Variants in CNTNAP2 observed in about 807,000 individuals in gnomAD.
CNTNAP2 encodes contactin associated protein 2.
CNTNAP2 carries 98 observed loss-of-function variants against 155.2 expected under a neutral mutation model. The observed-to-expected ratio is 0.63, with a 90% CI of 0.54 to 0.75. The LOEUF (loss-of-function observed/expected upper bound fraction) is 0.75, where lower values mean the gene tolerates loss of function less well. CNTNAP2 is among the 30% of genes least tolerant of loss of function. The probability of loss-of-function intolerance (pLI) is 0.00; values close to 1 mark genes in which losing one functional copy is unlikely to be tolerated. For missense variants in CNTNAP2, 1,727 were observed against 1,688.1 expected, an observed-to-expected ratio of 1.02 and a Z score of -0.40; for synonymous variants, 651 against 631.2, an observed-to-expected ratio of 1.03 and a Z score of -0.47.
At chr7:147,605,269 A>G (rs1238836282) in intron 12 of CNTNAP2, among the ~76,000 whole-genome samples, 1 of 152,114 alleles carries the variant, frequency 6.6e-6, no homozygotes, top group East Asian at 1.9e-4. Context: ...AATTGAGCCT[A>G]TGAAATCAAC....
intron 2 of CNTNAP2, among the ~76,000 whole-genome samples, chr7:146,804,186 C>T (rs775478535): frequency 1.6e-3 from 245 of 152,282 alleles, no homozygotes; most frequent in Admixed American, 6.0e-3. Flanking sequence ...TGCTCCCCTC[C>T]TCTGTAAAAG....
At chr7:147,331,256 A>T (rs1401764842) in intron 9 of CNTNAP2, among the ~76,000 whole-genome samples, 1 of 152,184 alleles carries the variant, frequency 6.6e-6, no homozygotes, top group African/African-American at 2.4e-5. Flanking sequence ...TGAAGAATTC[A>T]GGTTGAAGCC....
intron 2 of CNTNAP2, among the ~76,000 whole-genome samples, chr7:146,821,399 T>G (rs1326178649): frequency 2.6e-4 from 40 of 151,914 alleles, no homozygotes; most frequent in South Asian, 1.7e-3. Context: ...GTCTGTAAAG[T>G]ATTTTATTTC....
intron 18 of CNTNAP2, among the ~76,000 whole-genome samples, chr7:148,213,703 G>A (rs1416422827): frequency 6.6e-6 from 1 of 150,976 alleles, no homozygotes; most frequent in Non-Finnish European, 1.5e-5. Flanking sequence ...ACTGCTCAGT[G>A]TGTTTTCTCC....
chr7:148,067,568 T>C (rs1240396615), intron 15 of CNTNAP2, among the ~76,000 whole-genome samples: 3 of 152,198 alleles, frequency 2.0e-5, no homozygotes, highest in African/African-American at 7.2e-5. Flanking sequence ...ATGGGTTTTC[T>C]TGAATGTTGG....
chr7:148,179,737 AGAAG>A (rs1330053642), intron 18 of CNTNAP2, among the ~76,000 whole-genome samples: 2 of 151,312 alleles, frequency 1.3e-5, no homozygotes, highest in Non-Finnish European at 3.0e-5. Flanking sequence ...GGAGGAGGAG[AGAAG>A]GAAGGAAGGA....
intron 8 of CNTNAP2, among the ~76,000 whole-genome samples, chr7:147,251,438 G>A (rs1542821): frequency 0.8 from 121,158 of 151,816 alleles, 48,770 homozygotes; most frequent in African/African-American, 0.92. Flanking sequence ...AAACAGATAG[G>A]TAGGTAGGTA....
intron 1 of CNTNAP2, among the ~76,000 whole-genome samples, chr7:146,719,062 A>G (rs1235039368): frequency 6.6e-6 from 1 of 152,210 alleles, no homozygotes; most frequent in Non-Finnish European, 1.5e-5. Context: ...CTCTTACAAA[A>G]ATAAATCACT....
chr7:146,313,594 A>C (rs1800862056), intron 1 of CNTNAP2, among the ~76,000 whole-genome samples: 1 of 152,060 alleles, frequency 6.6e-6, no homozygotes, highest in Admixed American at 6.6e-5. Context: ...GTGCCTTTGG[A>C]GTTCCATCTA....
intron 1 of CNTNAP2, among the ~76,000 whole-genome samples, chr7:146,407,951 G>A (rs1795815947): frequency 6.6e-6 from 1 of 151,884 alleles, no homozygotes; most frequent in Admixed American, 6.6e-5. Flanking sequence ...TTTAGCTTAT[G>A]TTATTGTAAT....
intron 1 of CNTNAP2, among the ~76,000 whole-genome samples, chr7:146,766,793 T>C (rs1802202631): frequency 6.6e-6 from 1 of 152,206 alleles, no homozygotes; most frequent in Non-Finnish European, 1.5e-5. Context: ...TGTATATTCA[T>C]CAAGGTCCAA....
intron 1 of CNTNAP2, among the ~76,000 whole-genome samples, chr7:146,386,606 G>C (rs1795465285): frequency 6.6e-6 from 1 of 152,062 alleles, no homozygotes; most frequent in Admixed American, 6.5e-5. Flanking sequence ...GACTGGTCTT[G>C]AACTCCTGAT....
chr7:148,108,974 T>C (rs1316725418), intron 15 of CNTNAP2, among the ~76,000 whole-genome samples: 1 of 152,222 alleles, frequency 6.6e-6, no homozygotes, highest in Non-Finnish European at 1.5e-5. Context: ...TGTCAATTTA[T>C]GATTTCTAAA....
chr7:146,626,583 T>C (rs1464862127), intron 1 of CNTNAP2, among the ~76,000 whole-genome samples: 1 of 152,102 alleles, frequency 6.6e-6, no homozygotes, highest in African/African-American at 2.4e-5. Flanking sequence ...TGTGTGCCTG[T>C]AAATACAGAA....
chr7:146,148,451 A>G (rs564642118), intron 1 of CNTNAP2, among the ~76,000 whole-genome samples: 1 of 152,290 alleles, frequency 6.6e-6, no homozygotes, highest in South Asian at 2.1e-4. Flanking sequence ...TGCTGCTGCA[A>G]AAGAATTCAC....
At chr7:146,153,133 G>GT (rs1798075892) in intron 1 of CNTNAP2, among the ~76,000 whole-genome samples, 1 of 151,934 alleles carries the variant, frequency 6.6e-6, no homozygotes, top group Non-Finnish European at 1.5e-5. Context: ...CATGTTACTG[G>GT]TTTTGTTTTG....
chr7:147,863,329 T>C (rs1019287633), intron 13 of CNTNAP2, among the ~76,000 whole-genome samples: 2 of 152,234 alleles, frequency 1.3e-5, no homozygotes, highest in South Asian at 2.1e-4. Flanking sequence ...CAATCTATCA[T>C]TGATGGACAT....
intron 3 of CNTNAP2, among the ~76,000 whole-genome samples, chr7:146,960,924 G>A (rs914531395): frequency 1.3e-5 from 2 of 152,130 alleles, no homozygotes; most frequent in African/African-American, 4.8e-5. Context: ...TGTGCTAAAG[G>A]ACATGCTTTA....
At chr7:148,406,062 T>C (rs376040896) in intron 22 of CNTNAP2, among the ~76,000 whole-genome samples, 2 of 151,268 alleles carry the variant, frequency 1.3e-5, no homozygotes, top group East Asian at 2.0e-4. Flanking sequence ...GAAACCCCGT[T>C]TCTACTAAAA....
Sources: allele counts gnomAD v4.1 joint callset (sites outside exome capture counted in the v4.1 genomes callset), GRCh38; gene constraint gnomAD v4.1.1; transcripts MANE v1.5; gene names NCBI Gene and HGNC (gene_info 2026-07-23, HGNC 2026-07-21).